ZNF14: variants seen among roughly 807,000 people sequenced by gnomAD.
ZNF14 encodes zinc finger protein 14.
In ZNF14, 9 loss-of-function variants were observed where a neutral mutation model predicts 11.3. The observed-to-expected ratio is 0.80, with a 90% CI of 0.48 to 1.39. The LOEUF is 1.39. Ranked by LOEUF, ZNF14 falls within the 40% of genes most tolerant of loss-of-function variation. ZNF14 has a pLI of 0.00. For synonymous variants in ZNF14, 239 were observed against 245.7 expected, an observed-to-expected ratio of 0.97 and a Z score of 0.25; for missense variants, 711 against 763.9, an observed-to-expected ratio of 0.93 and a Z score of 0.82.
chr19:19,719,042 A>T (rs1821083169), intron 1 of ZNF14, among the ~76,000 whole-genome samples: 1 of 152,218 alleles, frequency 6.6e-6, no homozygotes, highest in African/African-American at 2.4e-5. Context: ...CTGGGATTAC[A>T]GACGTGAGCC....
Position 19,711,256 on chromosome 19 carries a change from A to G in ZNF14, c.*96T>C. 1.5e-6 allele frequency: 2 copies of G among 1,371,460 alleles called. No individual in the cohort carries two copies. Among genetic ancestry groups the G allele is most frequent in the Admixed American group, 5.0e-5 (2 of 39,622 alleles). The allele number at this position is 1,371,460 out of a possible 1,614,324, so 85.0% of individuals were successfully genotyped here. A position where few individuals can be genotyped will look rare whatever the true frequency, so the allele number is the denominator to read the frequency against. ...TGGAACAATTAAGGGCTTTAGAACAATGTTTGTATTCACACAGCTTCTGTC... is the reference window on the plus strand; with the variant it reads ...TGGAACAATTAAGGGCTTTAGAACAGTGTTTGTATTCACACAGCTTCTGTC... On this transcript the variant is annotated 3_prime_UTR_variant, in exon 4 of 4. Coordinates refer to ENST00000344099, the MANE Select transcript of ZNF14 (RefSeq NM_021030.3).
chr19:19,719,265 T>G (rs2062385850), intron 1 of ZNF14, among the ~76,000 whole-genome samples: 2 of 151,946 alleles, frequency 1.3e-5, no homozygotes, highest in African/African-American at 4.8e-5. Flanking sequence ...GTTAAAAAAT[T>G]CCCTACAAAA....
rs754595810 is a variant in ZNF14 at position 19,711,601 on chromosome 19, T to C, written c.1680A>G (p.Gln560=). 21 of 1,614,058 alleles carry C rather than the reference T, an allele frequency of 1.3e-5. 1 individual carries two copies. Among genetic ancestry groups the C allele is most frequent in the Admixed American group, 8.3e-5 (5 of 60,000 alleles). The part of the protein sequence containing the change: ...ERTHTGEKPY[Q]CKQCGKAFIS... ...TGAAGGCTTTTCCACATTGTTTACA[T>C]TGATACGGTTTCTCTCCAGTGTGAG... The change falls in exon 4 of 4, where the codon CAA becomes CAG. Residue 560 remains glutamine (Q), a synonymous_variant. Coordinates refer to ENST00000344099, the MANE Select transcript of ZNF14 (RefSeq NM_021030.3).
chr19:19,716,266 G>A (rs1410277017), intron 1 of ZNF14, among the ~76,000 whole-genome samples: 1 of 150,786 alleles, frequency 6.6e-6, no homozygotes, highest in Non-Finnish European at 1.5e-5. Context: ...AGTAGAAAAG[G>A]AGGAATGAGA....
intron 1 of ZNF14, among the ~76,000 whole-genome samples, chr19:19,723,867 G>T (rs1173070238): frequency 7.5e-6 from 1 of 133,754 alleles, no homozygotes; most frequent in Admixed American, 7.3e-5. Flanking sequence ...GTTTATTTGC[G>T]TAGAGGTGTT....
At chr19:19,728,183 C>T (rs1294000378) in intron 1 of ZNF14, among the ~76,000 whole-genome samples, 4 of 132,434 alleles carry the variant, frequency 3.0e-5, no homozygotes, top group Non-Finnish European at 6.7e-5. Context: ...TAGATAAAAG[C>T]AATCTGTCAG....
In ZNF14 at chr19:19,713,090, C is replaced by T; in HGVS notation, c.192-1G>A. ...ACAGAGTCTCTCAACCATATGACAT[C>T]TGTAAAAAATGAATAGCACATTATT... On this transcript the variant is annotated splice_acceptor_variant, in intron 3 of 3. Transcript: ENST00000344099. LOFTEE classifies it high-confidence loss of function. 1 of 1,560,240 alleles carries T rather than the reference C, an allele frequency of 6.4e-7. No homozygotes were observed. The highest frequency in any genetic ancestry group is 1.7e-4 in the Middle Eastern group (1 of 5,806).
chr19:19,715,708 C>T (rs556430860), intron 1 of ZNF14, among the ~76,000 whole-genome samples: 1 of 152,314 alleles, frequency 6.6e-6, no homozygotes, highest in East Asian at 1.9e-4. Context: ...AGAGATAAGG[C>T]TCACTAGCTA....
In ZNF14 at chr19:19,712,793, TGAG is replaced by T; in HGVS notation, c.485_487del (p.Thr162_His163delinsAsn). The T allele has an allele frequency of 6.2e-7, 1 of 1,614,206 alleles. No homozygotes were observed. Among genetic ancestry groups the T allele is most frequent in the African/African-American group, 1.3e-5 (1 of 75,074 alleles). On this transcript the variant is annotated inframe_deletion, in exon 4 of 4. Transcript: ENST00000344099. ...ACATTCATAGGGCTTCACTCCAGTG[TGAG>T]TTCTTTCATGTTTGCGAAAGCAGTG...
intron 1 of ZNF14, among the ~76,000 whole-genome samples, chr19:19,721,685 G>A (rs555748067): frequency 1.3e-5 from 2 of 152,272 alleles, no homozygotes; most frequent in South Asian, 2.1e-4. Flanking sequence ...ACCTGGGCTT[G>A]GTGTGGTGGC....
intron 1 of ZNF14, among the ~76,000 whole-genome samples, chr19:19,718,882 C>G (rs1599469564): frequency 6.6e-6 from 1 of 152,308 alleles, no homozygotes; most frequent in East Asian, 1.9e-4. Context: ...TCTCCTGCCT[C>G]AGCCTCCGAG....
chr19:19,718,233 A>G (rs1274985703), intron 1 of ZNF14, among the ~76,000 whole-genome samples: 1 of 152,250 alleles, frequency 6.6e-6, no homozygotes, highest in East Asian at 1.9e-4. Context: ...TGATTAATAT[A>G]CTAAGGGTTC....
intron 1 of ZNF14, among the ~76,000 whole-genome samples, chr19:19,732,370 T>C (rs1283393081): frequency 6.6e-6 from 1 of 152,054 alleles, no homozygotes; most frequent in African/African-American, 2.4e-5. Flanking sequence ...AAACACAAAC[T>C]TTCTGATCAG....
chr19:19,715,738 T>G (rs2062376192), intron 1 of ZNF14, among the ~76,000 whole-genome samples: 1 of 152,194 alleles, frequency 6.6e-6, no homozygotes, highest in Non-Finnish European at 1.5e-5. Context: ...AGGCAGTCAA[T>G]TTTTAAAGGA....
chr19:19,728,981 C>G (rs757135494), intron 1 of ZNF14, among the ~76,000 whole-genome samples: 3 of 152,104 alleles, frequency 2.0e-5, no homozygotes, highest in Non-Finnish European at 4.4e-5. Flanking sequence ...ACCCAGTAAT[C>G]TTTTCCCCCC....
In ZNF14 at chr19:19,733,074, G is replaced by T; in HGVS notation, c.-116C>A. The T allele has an allele frequency of 2.2e-6, 3 of 1,353,562 alleles. No homozygotes were observed. The South Asian group carries it at 3.9e-5, about 18-fold the overall frequency. 83.8% of individuals were successfully genotyped at this position (1,353,562 alleles called of 1,614,324 possible). On this transcript the variant is annotated 5_prime_UTR_variant, in exon 1 of 4. Coordinates refer to ENST00000344099, the MANE Select transcript of ZNF14 (RefSeq NM_021030.3). Reference sequence around the variant, plus strand: ...TTCGGCCTTCAGGAGCAGGTGAAACGCAATCTTCCCATGGGCCAGGAATGG... The same window carrying T: ...TTCGGCCTTCAGGAGCAGGTGAAACTCAATCTTCCCATGGGCCAGGAATGG...
chr19:19,728,527 A>AC lies in ZNF14; in HGVS notation c.3+4428_3+4429insG, dbSNP rs942660280. On this transcript the variant is annotated intron_variant, in intron 1 of 3. Transcript: ENST00000344099. ...CGAAACTCCGTCTCAAAAAAAAAAA[A>AC]AAAAAAAAACATATACTGGAAGAAC... Among the ~76,000 whole-genome samples the AC allele has an allele frequency of 4.4e-4, 57 of 129,696 alleles. 9 individuals carry two copies. The highest frequency in any genetic ancestry group is 1.8e-3 in the Admixed American group (23 of 13,046). 85.1% of individuals were successfully genotyped at this position (129,696 alleles called of 152,430 possible).
chr19:19,721,140 T>G (rs1362002763), intron 1 of ZNF14, among the ~76,000 whole-genome samples: 3 of 152,098 alleles, frequency 2.0e-5, no homozygotes. Context: ...GTATTTTTAG[T>G]AGAGACGGGG....
chr19:19,731,937 G>A (rs1417790607), intron 1 of ZNF14, among the ~76,000 whole-genome samples: 2 of 152,090 alleles, frequency 1.3e-5, no homozygotes, highest in Non-Finnish European at 2.9e-5. Flanking sequence ...GCGTGGTGGC[G>A]GGCGCCTGTA....
Sources: gnomAD v4.1 joint callset for allele counts (sites outside exome capture counted in the v4.1 genomes callset) on GRCh38, gnomAD v4.1.1 for gene constraint, MANE v1.5 for transcripts, NCBI Gene and HGNC (gene_info 2026-07-23, HGNC 2026-07-21) for gene names.